The following GALNTL6 variants were observed in gnomAD, a reference collection of about 807,000 sequenced individuals.
GALNTL6 encodes the protein polypeptide N-acetylgalactosaminyltransferase-like 6.
GALNTL6 carries 46 observed loss-of-function variants against 73.7 expected under a neutral mutation model. The ratio of observed to expected loss-of-function variants is 0.62; its 90% CI spans 0.49 to 0.80. GALNTL6 has a LOEUF of 0.80. Ranked by LOEUF, GALNTL6 falls within the 30% of genes least tolerant of loss-of-function variation. The pLI is 0.00. For synonymous variants in GALNTL6, 259 were observed against 263.7 expected (o/e 0.98, Z 0.17); for missense variants, 604 against 755.0 (o/e 0.80, Z 2.34).
At chr4:172,798,832 G>A (rs1215306044) in intron 5 of GALNTL6, among the ~76,000 whole-genome samples, 1 of 152,116 alleles carries the variant, frequency 6.6e-6, no homozygotes, top group African/African-American at 2.4e-5. Flanking sequence ...TTCCTCTAAA[G>A]GCTTTAGAGA....
chr4:172,324,345 T>C (rs1425243090), intron 4 of GALNTL6, among the ~76,000 whole-genome samples: 5 of 151,922 alleles, frequency 3.3e-5, no homozygotes, highest in African/African-American at 9.7e-5. Flanking sequence ...ATGTAAAGTA[T>C]TTATTTTCTG....
At chr4:172,865,513 A>AT (rs1290679398) in intron 7 of GALNTL6, among the ~76,000 whole-genome samples, 1 of 152,238 alleles carries the variant, frequency 6.6e-6, no homozygotes, top group Non-Finnish European at 1.5e-5. Flanking sequence ...ATTAAGGTAT[A>AT]TTTTATAGTA....
chr4:172,120,417 C>G (rs1321486384), intron 2 of GALNTL6, among the ~76,000 whole-genome samples: 1 of 152,154 alleles, frequency 6.6e-6, no homozygotes, highest in East Asian at 1.9e-4. Flanking sequence ...TGCCCTCATT[C>G]TTTTACTCAG....
At chr4:173,014,524 G>A (rs1401363029) in intron 11 of GALNTL6, among the ~76,000 whole-genome samples, 1 of 152,190 alleles carries the variant, frequency 6.6e-6, no homozygotes, top group Non-Finnish European at 1.5e-5. Context: ...GGTTCACAAA[G>A]ACAGAAGCAA....
chr4:172,480,442 G>A (rs1376305942), intron 5 of GALNTL6, among the ~76,000 whole-genome samples: 1 of 152,088 alleles, frequency 6.6e-6, no homozygotes, highest in Non-Finnish European at 1.5e-5. Flanking sequence ...TATCTTATTA[G>A]ACCTATGCTC....
At chr4:172,127,005 A>G (rs1383146925) in intron 2 of GALNTL6, among the ~76,000 whole-genome samples, 1 of 152,182 alleles carries the variant, frequency 6.6e-6, no homozygotes, top group Non-Finnish European at 1.5e-5. Flanking sequence ...CACATGCCTC[A>G]AGGACAAGCT....
At chr4:172,632,978 G>A (rs1201846047) in intron 5 of GALNTL6, among the ~76,000 whole-genome samples, 2 of 152,264 alleles carry the variant, frequency 1.3e-5, no homozygotes, top group Non-Finnish European at 2.9e-5. Context: ...GTACACAGAA[G>A]TCAAGAATTG....
At chr4:172,215,498 G>A (rs942576659) in intron 2 of GALNTL6, among the ~76,000 whole-genome samples, 6 of 152,050 alleles carry the variant, frequency 3.9e-5, no homozygotes, top group Admixed American at 1.3e-4. Context: ...CTCTCTTCTT[G>A]TGAAGTCTGA....
chr4:172,880,307 A>T lies in GALNTL6; in HGVS notation c.924-2483A>T, dbSNP rs145945288. Among the ~76,000 whole-genome samples, 365 of 152,210 alleles carry T rather than the reference A, an allele frequency of 2.4e-3. 2 individuals are homozygous for T. The highest frequency in any genetic ancestry group is 8.6e-3 in the African/African-American group (356 of 41,574). ...AATTGCAGTAAATTCATGCAAATAG[A>T]ATACTACTCTGCAATTTAAAAATAA... On this transcript the variant is annotated intron_variant, in intron 7 of 12. Transcript: ENST00000506823.
At chr4:173,036,475 A>AC (rs1753701561) in intron 12 of GALNTL6, among the ~76,000 whole-genome samples, 1 of 152,206 alleles carries the variant, frequency 6.6e-6, no homozygotes, top group African/African-American at 2.4e-5. Context: ...GGAAAGGCAC[A>AC]CCTACACTTG....
At chr4:172,528,321 T>TAA (rs1306890510) in intron 5 of GALNTL6, among the ~76,000 whole-genome samples, 3 of 7,032 alleles carry the variant, frequency 4.3e-4, no homozygotes, top group East Asian at 3.4e-3. Context: ...AGAAATAAAA[T>TAA]ATATATATAT....
intron 5 of GALNTL6, among the ~76,000 whole-genome samples, chr4:172,609,189 G>C (rs989685387): frequency 6.6e-6 from 1 of 152,086 alleles, no homozygotes; most frequent in Non-Finnish European, 1.5e-5. Context: ...TGTTGAATAG[G>C]AGTAGTGAGA....
At chr4:172,503,392 C>T (rs936350608) in intron 5 of GALNTL6, among the ~76,000 whole-genome samples, 57 of 151,810 alleles carry the variant, frequency 3.8e-4, no homozygotes, top group African/African-American at 1.4e-3. Flanking sequence ...TTTGGCTCAT[C>T]CTGACTTTGG....
chr4:172,828,651 C>G (rs908714047), intron 7 of GALNTL6, among the ~76,000 whole-genome samples: 1 of 152,186 alleles, frequency 6.6e-6, no homozygotes, highest in Non-Finnish European at 1.5e-5. Context: ...TCCTCATCCA[C>G]AATCTAGAAC....
At chr4:172,371,460 T>C (rs984695232) in intron 5 of GALNTL6, among the ~76,000 whole-genome samples, 2 of 152,254 alleles carry the variant, frequency 1.3e-5, no homozygotes, top group Non-Finnish European at 2.9e-5. Flanking sequence ...TTATCAATTA[T>C]AGGTTTTAAA....
intron 4 of GALNTL6, among the ~76,000 whole-genome samples, chr4:172,331,274 T>G (rs1015663200): frequency 1.3e-5 from 2 of 148,824 alleles, no homozygotes; most frequent in East Asian, 3.9e-4. Context: ...AAAAAAAAAG[T>G]AGTTTTTGTT....
Position 171,957,882 on chromosome 4 carries a change from G to C in GALNTL6, c.138+143164G>C, listed in dbSNP as rs536183939. On this transcript the variant is annotated intron_variant, in intron 2 of 12. Transcript: ENST00000506823. Reference sequence around the variant, plus strand: ...CAAAAAAAATGGTATTTTCTAGCGGGAATCCTAACCTAAGGTATCCATTTT... The same window carrying C: ...CAAAAAAAATGGTATTTTCTAGCGGCAATCCTAACCTAAGGTATCCATTTT... 2.6e-5 allele frequency among the ~76,000 whole-genome samples: 4 copies of C among 152,262 alleles called. No homozygotes were observed. The East Asian group carries it at 7.7e-4, about 29-fold the overall frequency.
chr4:172,397,169 G>T (rs959232884), intron 5 of GALNTL6, among the ~76,000 whole-genome samples: 6 of 152,076 alleles, frequency 3.9e-5, no homozygotes, highest in African/African-American at 1.4e-4. Flanking sequence ...GTATTTAATA[G>T]GTCTGTGATA....
intron 5 of GALNTL6, among the ~76,000 whole-genome samples, chr4:172,702,705 C>A (rs905267453): frequency 2.0e-5 from 3 of 151,950 alleles, no homozygotes; most frequent in South Asian, 4.1e-4. Context: ...ATTTTGGAAG[C>A]CTCTAGAACT....
Sources: allele counts gnomAD v4.1 joint callset (sites outside exome capture counted in the v4.1 genomes callset), GRCh38; gene constraint gnomAD v4.1.1; transcripts MANE v1.5; gene names NCBI Gene and HGNC (gene_info 2026-07-23, HGNC 2026-07-21).